CMTM8: variants seen among roughly 807,000 people sequenced by gnomAD.
The protein encoded by CMTM8 is CKLF like MARVEL transmembrane domain containing 8.
CMTM8 carries 12 observed loss-of-function variants against 18.6 expected under a neutral mutation model. That is an observed-to-expected ratio of 0.65 (90% CI 0.41 to 1.05). CMTM8 has a LOEUF of 1.05. Ranked by LOEUF, CMTM8 falls within the 50% of genes least tolerant of loss-of-function variation. The pLI is 0.00. For synonymous variants in CMTM8, 87 were observed against 90.6 expected, an observed-to-expected ratio of 0.96 and a Z score of 0.23; for missense variants, 217 against 227.2, an observed-to-expected ratio of 0.95 and a Z score of 0.29.
chr3:32,238,548 C>T (rs1364394964), upstream of CMTM8: 1 of 153,634 alleles, frequency 6.5e-6, no homozygotes, highest in Non-Finnish European at 1.4e-5. Context: ...CTGGGTGCGA[C>T]GCGGCGCCTT....
chr3:32,264,226 A>G (rs1198679252), intron 1 of CMTM8, among the ~76,000 whole-genome samples: 2 of 152,238 alleles, frequency 1.3e-5, no homozygotes, highest in Non-Finnish European at 2.9e-5. Flanking sequence ...CACGAGGGGA[A>G]GCCCATCAGA....
chr3:32,290,763 C>T (rs1351556584), intron 1 of CMTM8, among the ~76,000 whole-genome samples: 6 of 152,186 alleles, frequency 3.9e-5, no homozygotes, highest in Non-Finnish European at 8.8e-5. Flanking sequence ...TACTGAGTTA[C>T]AATCATTTGT....
At position 32,351,398 on chromosome 3, in the gene CMTM8, A is replaced by G. The variant is rs76298769; in HGVS notation, c.148-5975A>G. ...ATGACCTTGCTAAGAAGGTAAAAATAAAAGAGTTAAAGAAAACCAATTATG... is the reference window on the plus strand; with the variant it reads ...ATGACCTTGCTAAGAAGGTAAAAATGAAAGAGTTAAAGAAAACCAATTATG... On this transcript the variant is annotated intron_variant, in intron 1 of 3. Transcript: ENST00000307526. Among the ~76,000 whole-genome samples the G allele has an allele frequency of 6.4e-4, 97 of 152,346 alleles. 1 individual carries two copies. The East Asian group carries it at 0.018, about 28-fold the overall frequency.
At chr3:32,316,496 G>C (rs1490361464) in intron 1 of CMTM8, among the ~76,000 whole-genome samples, 1 of 152,174 alleles carries the variant, frequency 6.6e-6, no homozygotes, top group Non-Finnish European at 1.5e-5. Context: ...CTTTTTCAGA[G>C]CAGCTTAGTA....
chr3:32,298,005 C>T (rs1333191338), intron 1 of CMTM8, among the ~76,000 whole-genome samples: 2 of 151,588 alleles, frequency 1.3e-5, no homozygotes, highest in Non-Finnish European at 2.9e-5. Context: ...TGGTCATCAG[C>T]AGCAGCCATT....
chr3:32,283,263 G>A (rs539778461), intron 1 of CMTM8, among the ~76,000 whole-genome samples: 1 of 152,264 alleles, frequency 6.6e-6, no homozygotes, highest in South Asian at 2.1e-4. Flanking sequence ...TATTACTGTT[G>A]TTACTGTATT....
At chr3:32,334,828 T>C (rs1252897886) in intron 1 of CMTM8, among the ~76,000 whole-genome samples, 1 of 152,110 alleles carries the variant, frequency 6.6e-6, no homozygotes, top group Non-Finnish European at 1.5e-5. Context: ...TGCAGGAAGA[T>C]GTGTTGTTGC....
chr3:32,289,394 T>C (rs1702742404), intron 1 of CMTM8, among the ~76,000 whole-genome samples: 1 of 152,144 alleles, frequency 6.6e-6, no homozygotes, highest in Non-Finnish European at 1.5e-5. Context: ...CTCTGATGAC[T>C]TTTCCCCAAA....
intron 1 of CMTM8, among the ~76,000 whole-genome samples, chr3:32,239,633 A>G (rs1248785778): frequency 6.6e-6 from 1 of 152,126 alleles, no homozygotes; most frequent in African/African-American, 2.4e-5. Context: ...TTAGGACCAA[A>G]GAGGTCTTTT....
chr3:32,295,465 AAAAAAAAAAAAAAC>A (rs1431513841), intron 1 of CMTM8, among the ~76,000 whole-genome samples: 1 of 142,378 alleles, frequency 7.0e-6, no homozygotes, highest in Non-Finnish European at 1.5e-5. Flanking sequence ...CAAAAAAAAA[AAAAAAAAAAAAAAC>A]AAAACAAAAC....
intron 1 of CMTM8, among the ~76,000 whole-genome samples, chr3:32,352,234 A>G (rs964712791): frequency 2.6e-5 from 4 of 151,836 alleles, no homozygotes; most frequent in Admixed American, 2.6e-4. Flanking sequence ...AAAACTATCA[A>G]GAAATAAGAG....
intron 1 of CMTM8, among the ~76,000 whole-genome samples, chr3:32,346,814 C>CTT (rs34230571): frequency 1.8e-4 from 24 of 131,450 alleles, no homozygotes; most frequent in African/African-American, 5.7e-4. Flanking sequence ...TGTTATAATT[C>CTT]TTTTTTTTTT....
intron 1 of CMTM8, among the ~76,000 whole-genome samples, chr3:32,284,847 C>T (rs1008670888): frequency 6.6e-6 from 1 of 151,956 alleles, no homozygotes; most frequent in Non-Finnish European, 1.5e-5. Context: ...CTCATGTGGG[C>T]GATTATATTA....
In CMTM8 at chr3:32,243,463, C is replaced by T. The variant is rs929466311; in HGVS notation, c.147+4344C>T. Reference sequence around the variant, plus strand: ...GAAGGATCATTTGACCCCAGGAGGTCGAGGTTGCAGTGAGCTGGGATTGCG... The same window carrying T: ...GAAGGATCATTTGACCCCAGGAGGTTGAGGTTGCAGTGAGCTGGGATTGCG... On this transcript the variant is annotated intron_variant, in intron 1 of 3. Transcript: ENST00000307526. Among the ~76,000 whole-genome samples the T allele has an allele frequency of 6.2e-5, 9 of 145,652 alleles. No individual in the cohort carries two copies. In the South Asian group the frequency reaches 8.7e-4, roughly 14 times the overall value.
At chr3:32,257,669 T>C (rs921536382) in intron 1 of CMTM8, among the ~76,000 whole-genome samples, 3 of 152,300 alleles carry the variant, frequency 2.0e-5, no homozygotes, top group Admixed American at 6.5e-5. Context: ...TGAATCACTT[T>C]AAGGATCTTG....
chr3:32,277,022 C>T (rs1243734912), intron 1 of CMTM8, among the ~76,000 whole-genome samples: 1 of 151,678 alleles, frequency 6.6e-6, no homozygotes, highest in Non-Finnish European at 1.5e-5. Context: ...TAAGCTGGGA[C>T]TACAGGCACA....
intron 1 of CMTM8, among the ~76,000 whole-genome samples, chr3:32,242,673 T>C (rs1306110523): frequency 6.6e-6 from 1 of 152,168 alleles, no homozygotes; most frequent in African/African-American, 2.4e-5. Flanking sequence ...ACCCCCTGAC[T>C]TCTGGAAATG....
chr3:32,365,933 T>G (rs1286867429), intron 2 of CMTM8, among the ~76,000 whole-genome samples: 1 of 152,160 alleles, frequency 6.6e-6, no homozygotes, highest in African/African-American at 2.4e-5. Flanking sequence ...CCTCTGAAGC[T>G]TCACATATCC....
chr3:32,247,045 G>A (rs1243363501), intron 1 of CMTM8, among the ~76,000 whole-genome samples: 1 of 152,104 alleles, frequency 6.6e-6, no homozygotes, highest in Non-Finnish European at 1.5e-5. Flanking sequence ...AGGTTGCAGT[G>A]AGCCGAGATT....
Sources: gnomAD v4.1 joint callset for allele counts (sites outside exome capture counted in the v4.1 genomes callset) on GRCh38, gnomAD v4.1.1 for gene constraint, MANE v1.5 for transcripts, NCBI Gene and HGNC (gene_info 2026-07-23, HGNC 2026-07-21) for gene names.